The following LRRC7 variants were observed in gnomAD, a reference collection of about 807,000 sequenced individuals.
LRRC7 encodes leucine rich repeat containing 7.
LRRC7 carries 23 observed loss-of-function variants against 175.7 expected under a neutral mutation model. The observed-to-expected ratio is 0.13, with a 90% confidence interval of 0.09 to 0.19. LRRC7 has a LOEUF of 0.19. Among genes scored for constraint, LRRC7 ranks in the 10% least tolerant of loss-of-function variants. The probability of loss-of-function intolerance (pLI) is 1.00; values close to 1 mark genes in which losing one functional copy is unlikely to be tolerated. For synonymous variants in LRRC7, 685 were observed against 680.9 expected (o/e 1.01, Z -0.09); for missense variants, 1,354 against 1,904.7 (o/e 0.71, Z 5.38).
At position 69,612,067 on chromosome 1, in the gene LRRC7, T is replaced by C. The variant is rs147238107; in HGVS notation, c.2+43426T>C. Among the ~76,000 whole-genome samples, 237 of 152,200 alleles carry C rather than the reference T, an allele frequency of 1.6e-3. 2 individuals are homozygous for C. The highest frequency in any genetic ancestry group is 5.2e-3 in the African/African-American group (218 of 41,560). ...ATTTCCTTCACGATTTTCCCTTTGC[T>C]TTTCTATGCCACCCACATTTAATGA... On this transcript the variant is annotated intron_variant, in intron 1 of 26. Transcript: ENST00000651989.
chr1:69,957,544 T>C (rs1442493882), intron 8 of LRRC7, among the ~76,000 whole-genome samples: 2 of 151,840 alleles, frequency 1.3e-5, no homozygotes, highest in African/African-American at 2.4e-5. Flanking sequence ...TATTATGTAG[T>C]TTAGTAGAGA....
At chr1:70,030,316 C>A (rs1213150007) in intron 18 of LRRC7, among the ~76,000 whole-genome samples, 1 of 152,162 alleles carries the variant, frequency 6.6e-6, no homozygotes, top group African/African-American at 2.4e-5. Flanking sequence ...ATTTGCACCA[C>A]CCCTTTCCTA....
chr1:69,716,128 C>T, intron 2 of LRRC7: 1 of 412,688 alleles, frequency 2.4e-6, no homozygotes, highest in Non-Finnish European at 4.5e-6. Flanking sequence ...TTTAAATTTT[C>T]TTTTTTTTTA....
chr1:69,890,447 G>T (rs1375820952), intron 7 of LRRC7, among the ~76,000 whole-genome samples: 1 of 152,204 alleles, frequency 6.6e-6, no homozygotes, highest in African/African-American at 2.4e-5. Context: ...CAGAGGTGTT[G>T]TCATCCAGAC....
At chr1:69,862,887 C>T (rs972949506) in intron 7 of LRRC7, among the ~76,000 whole-genome samples, 1 of 151,848 alleles carries the variant, frequency 6.6e-6, no homozygotes, top group Non-Finnish European at 1.5e-5. Context: ...CATGTGTTCT[C>T]ATTGTTCAAC....
rs1489367039 is a variant in LRRC7 at position 70,138,386 on chromosome 1, C to T, written c.*16499C>T. 6.6e-6 allele frequency: 1 copy of T among 152,170 alleles called. No individual in the cohort carries two copies. The highest frequency in any genetic ancestry group is 1.5e-5 in the Non-Finnish European group (1 of 68,022). The allele number at this position is 152,170 out of a possible 1,614,324, so 9.4% of individuals were successfully genotyped here. A position where few individuals can be genotyped will look rare whatever the true frequency, so the allele number is the denominator to read the frequency against. On this transcript the variant is annotated 3_prime_UTR_variant, in exon 27 of 27. Transcript: ENST00000651989. ...TCTGTAAAGCATAATGCCTACTACA[C>T]AGACATCATTATTCTACTTAAAAGT...
At chr1:69,591,434 G>GA (rs1254071280) in intron 1 of LRRC7, among the ~76,000 whole-genome samples, 2 of 151,938 alleles carry the variant, frequency 1.3e-5, no homozygotes, top group Non-Finnish European at 1.5e-5. Flanking sequence ...ATGTCAAGAG[G>GA]AAAAATCTCT....
At chr1:69,984,579 C>A (rs1353940941) in intron 9 of LRRC7, among the ~76,000 whole-genome samples, 1 of 152,112 alleles carries the variant, frequency 6.6e-6, no homozygotes, top group Non-Finnish European at 1.5e-5. Context: ...GTCCGTGTCC[C>A]GCCCACATGT....
chr1:70,056,521 T>A (rs1339175275), intron 23 of LRRC7, among the ~76,000 whole-genome samples: 2 of 152,154 alleles, frequency 1.3e-5, no homozygotes, highest in East Asian at 1.9e-4. Flanking sequence ...GTTGGCTCTA[T>A]CCTAAAACTG....
chr1:69,634,999 G>A (rs1471104070), intron 1 of LRRC7, among the ~76,000 whole-genome samples: 1 of 152,058 alleles, frequency 6.6e-6, no homozygotes, highest in African/African-American at 2.4e-5. Flanking sequence ...CATAGACAAA[G>A]TTGTGTTACG....
At chr1:69,803,087 C>T (rs1676709194) in intron 4 of LRRC7, among the ~76,000 whole-genome samples, 1 of 151,330 alleles carries the variant, frequency 6.6e-6, no homozygotes. Context: ...AAGCTTTTCC[C>T]CAAACTATTC....
intron 8 of LRRC7, among the ~76,000 whole-genome samples, chr1:69,951,714 C>T (rs1358773124): frequency 6.6e-6 from 1 of 152,106 alleles, no homozygotes; most frequent in Non-Finnish European, 1.5e-5. Context: ...CGCATGTTCT[C>T]ACTTAAAAGT....
intron 2 of LRRC7, 49 bp from the exon 3 acceptor site, chr1:69,760,142 G>T (rs757534432): frequency 2.5e-6 from 4 of 1,582,846 alleles, no homozygotes; most frequent in South Asian, 2.2e-5. Context: ...TGCCTTCCAA[G>T]GGCACTGGAT....
chr1:69,781,886 G>GAA (rs1174043363), intron 3 of LRRC7, among the ~76,000 whole-genome samples: 5 of 132,468 alleles, frequency 3.8e-5, no homozygotes, highest in South Asian at 2.5e-4. Flanking sequence ...GAAAGAAAAG[G>GAA]AAGGAAGGAA....
chr1:69,841,579 A>T (rs947339362), intron 7 of LRRC7, among the ~76,000 whole-genome samples: 1 of 152,100 alleles, frequency 6.6e-6, no homozygotes, highest in African/African-American at 2.4e-5. Context: ...AATATAAAAT[A>T]GTCTCCCTTC....
In LRRC7 at chr1:70,021,327, A is replaced by G. The variant is rs535713295; in HGVS notation, c.1545+198A>G. On this transcript the variant is annotated intron_variant, in intron 16 of 26. Transcript: ENST00000651989. Reference sequence around the variant, plus strand: ...ACTAATGTCCCAAATCTGAGTGAGCAAATTTGAAATGCCACTTCATCCAAC... The same window carrying G: ...ACTAATGTCCCAAATCTGAGTGAGCGAATTTGAAATGCCACTTCATCCAAC... 6 of 426,316 alleles carry G rather than the reference A, an allele frequency of 1.4e-5. No homozygotes were observed. In the Admixed American group the frequency reaches 2.0e-4, roughly 14 times the overall value. The allele number at this position is 426,316 out of a possible 1,614,324, so 26.4% of individuals were successfully genotyped here.
intron 2 of LRRC7, among the ~76,000 whole-genome samples, chr1:69,755,993 A>G (rs1029699379): frequency 2.0e-5 from 3 of 151,956 alleles, no homozygotes; most frequent in African/African-American, 4.8e-5. Context: ...AGCAGAAAGT[A>G]GAACTCAAAT....
At chr1:70,007,932 T>C (rs1275363429) in intron 11 of LRRC7, among the ~76,000 whole-genome samples, 4 of 152,210 alleles carry the variant, frequency 2.6e-5, no homozygotes, top group Non-Finnish European at 5.9e-5. Flanking sequence ...CTATTTCTTG[T>C]ATGATTTCAT....
intron 1 of LRRC7, among the ~76,000 whole-genome samples, chr1:69,592,106 G>A (rs1646660051): frequency 6.6e-6 from 1 of 151,984 alleles, no homozygotes; most frequent in Non-Finnish European, 1.5e-5. Context: ...GGTAGCATAA[G>A]TAAACAGAAC....
Sources: gnomAD v4.1 joint callset for allele counts (sites outside exome capture counted in the v4.1 genomes callset) on GRCh38, gnomAD v4.1.1 for gene constraint, MANE v1.5 for transcripts, NCBI Gene and HGNC (gene_info 2026-07-23, HGNC 2026-07-21) for gene names.